Variants in EEF2K observed in about 807,000 individuals in gnomAD.
EEF2K encodes the protein alternative protein EEF2K.
Under a neutral mutation model 93.8 loss-of-function variants are expected in EEF2K, and 70 were observed. The observed-to-expected ratio is 0.75, with a 90% CI of 0.62 to 0.91. EEF2K has a LOEUF of 0.91. Among genes scored for constraint, EEF2K ranks in the 40% least tolerant of loss-of-function variants. EEF2K has a pLI of 0.00. For synonymous variants in EEF2K, 376 were observed against 380.8 expected, an observed-to-expected ratio of 0.99 and a Z score of 0.15; for missense variants, 935 against 972.9, an observed-to-expected ratio of 0.96 and a Z score of 0.52.
rs745438208 is a variant in EEF2K, at chr16:22,251,322, G to T, written c.618G>T (p.Gln206His). ...ATAATCGGCACAAGCCCCCCAAGCA[G>T]GTGCGTGGCCCCACTACCTGCCCCC... ...EEYNRHKPPKQVDIMQMCIIE... is the reference protein window; with the variant it reads ...EEYNRHKPPKHVDIMQMCIIE... Residue 206 changes from glutamine (Q) to histidine (H), a missense_variant and splice_region_variant, in exon 6 of 18, where the codon CAG becomes CAT. Physicochemically the swap from Gln to His is conservative, Grantham distance 24 (BLOSUM62 0). Coordinates refer to ENST00000263026, the MANE Select transcript of EEF2K (RefSeq NM_013302.5). 2 of 1,613,856 alleles carry T rather than the reference G, an allele frequency of 1.2e-6. No individual in the cohort carries two copies. The highest frequency in any genetic ancestry group is 1.7e-6 in the Non-Finnish European group (2 of 1,179,870).
rs10627624 is a variant in EEF2K at position 22,239,091 on chromosome 16, T to TAA, written c.247-5528_247-5527dup. On this transcript the variant is annotated intron_variant, in intron 2 of 17. Coordinates refer to ENST00000263026, the MANE Select transcript of EEF2K (RefSeq NM_013302.5). ...ACAGTACTTTTTATACTGTGCTTAT[T>TAA]AAAAAAAAAAAAGTCAGTTGCATTA... Among the ~76,000 whole-genome samples, 442 of 147,052 alleles carry TAA rather than the reference T, an allele frequency of 3.0e-3. 4 individuals carry two copies. Among genetic ancestry groups the TAA allele is most frequent in the African/African-American group, 8.7e-3 (350 of 40,120 alleles).
At chr16:22,233,069 G>A (rs1012658848) in intron 2 of EEF2K, among the ~76,000 whole-genome samples, 25 of 152,282 alleles carry the variant, frequency 1.6e-4, no homozygotes, top group Admixed American at 7.2e-4. Flanking sequence ...TCAGGGGGCC[G>A]CCCTCTCCAT....
At chr16:22,247,872 T>C (rs541107152) in intron 3 of EEF2K, among the ~76,000 whole-genome samples, 91 of 152,126 alleles carry the variant, frequency 6.0e-4, no homozygotes, top group African/African-American at 2.0e-3. Flanking sequence ...TACCCTCCAC[T>C]GTGTGCGGCT....
chr16:22,283,901 C>T lies in EEF2K; in HGVS notation c.2083C>T (p.Gln695Ter). The T allele has an allele frequency of 1.9e-6, 3 of 1,596,718 alleles. No homozygotes were observed. Among genetic ancestry groups the T allele is most frequent in the Non-Finnish European group, 2.6e-6 (3 of 1,171,782 alleles). Residue 695 changes from glutamine to a stop codon, truncating the protein, a stop_gained, in exon 18 of 18, where the codon CAG (glutamine) becomes TAG (stop). Coordinates refer to ENST00000263026, the MANE Select transcript of EEF2K (RefSeq NM_013302.5). LOFTEE classifies it high-confidence loss of function. ...DPQRSGDLYTQAAEAAMEAMK... is the reference protein window; with the variant it reads ...DPQRSGDLYT ...CTGTCTTTCAGGGGACTTGTATACC[C>T]AGGCAGCAGAGGCAGCGATGGAAGC...
At chr16:22,234,877 C>CTTTTTTTTTTTTTTTTTTT (rs1173052779) in intron 2 of EEF2K, among the ~76,000 whole-genome samples, 2 of 90,622 alleles carry the variant, frequency 2.2e-5, no homozygotes, top group East Asian at 4.2e-4. Flanking sequence ...TTTTTTGTTG[C>CTTTTTTTTTTTTTTTTTTT]TTTTTTTTTT....
chr16:22,255,674 G>A (rs2047391493), intron 6 of EEF2K, among the ~76,000 whole-genome samples: 1 of 152,128 alleles, frequency 6.6e-6, no homozygotes, highest in Non-Finnish European at 1.5e-5. Context: ...GAAGACAAGA[G>A]GATTGCTTGA....
At chr16:22,265,435 C>G (rs1427047348) in intron 13 of EEF2K, among the ~76,000 whole-genome samples, 1 of 152,204 alleles carries the variant, frequency 6.6e-6, no homozygotes, top group Non-Finnish European at 1.5e-5. Context: ...AGTCCTTTCT[C>G]TCCCTCTGTC....
At chr16:22,276,098 C>T (rs995793847) in intron 16 of EEF2K, among the ~76,000 whole-genome samples, 1 of 152,030 alleles carries the variant, frequency 6.6e-6, no homozygotes, top group African/African-American at 2.4e-5. Context: ...GCATGTGCCA[C>T]CCTACCTGGC....
intron 1 of EEF2K, among the ~76,000 whole-genome samples, chr16:22,222,987 A>G (rs1412240439): frequency 6.6e-6 from 1 of 152,068 alleles, no homozygotes; most frequent in Non-Finnish European, 1.5e-5. Context: ...CCCATTAGCA[A>G]TCATTCCCCA....
chr16:22,223,942 C>G (rs541095201), intron 1 of EEF2K, among the ~76,000 whole-genome samples: 77 of 152,152 alleles, frequency 5.1e-4, no homozygotes, highest in Non-Finnish European at 9.3e-4. Context: ...CGTGGTGGCT[C>G]ACATCTGTAA....
Position 22,239,247 on chromosome 16 carries a change from C to T in EEF2K, c.247-5383C>T, listed in dbSNP as rs568280728. Among the ~76,000 whole-genome samples, 5 of 152,304 alleles carry T rather than the reference C, an allele frequency of 3.3e-5. No homozygotes were observed. In the South Asian group the frequency reaches 6.2e-4, roughly 19 times the overall value. ...CCTCCCTGTTTTGTGGTTGGTGCCACGGCATCCAGCCAGGAGGTAATTTCT... is the reference window on the plus strand; with the variant it reads ...CCTCCCTGTTTTGTGGTTGGTGCCATGGCATCCAGCCAGGAGGTAATTTCT... On this transcript the variant is annotated intron_variant, in intron 2 of 17. Coordinates refer to ENST00000263026, the MANE Select transcript of EEF2K (RefSeq NM_013302.5).
chr16:22,234,182 G>A (rs1040682704), intron 2 of EEF2K, among the ~76,000 whole-genome samples: 6 of 152,184 alleles, frequency 3.9e-5, no homozygotes, highest in Non-Finnish European at 5.9e-5. Context: ...TTACACCATC[G>A]TGTGTGCCCC....
chr16:22,207,920 G>A (rs1213626673), intron 1 of EEF2K, among the ~76,000 whole-genome samples: 1 of 152,202 alleles, frequency 6.6e-6, no homozygotes, highest in African/African-American at 2.4e-5. Flanking sequence ...CTGGGGAAGA[G>A]GCAGGTGGAA....
At chr16:22,246,040 A>C (rs2047286960) in intron 3 of EEF2K, among the ~76,000 whole-genome samples, 1 of 152,144 alleles carries the variant, frequency 6.6e-6, no homozygotes, top group Non-Finnish European at 1.5e-5. Context: ...GCTCAGTCCT[A>C]CAAGACCGTC....
At chr16:22,275,425 C>T (rs1328837432) in intron 16 of EEF2K, among the ~76,000 whole-genome samples, 4 of 152,084 alleles carry the variant, frequency 2.6e-5, no homozygotes, top group African/African-American at 7.2e-5. Flanking sequence ...TCACTGCAAC[C>T]TCCACCTCCT....
At chr16:22,209,484 G>T (rs756903654) in intron 1 of EEF2K, among the ~76,000 whole-genome samples, 1 of 152,328 alleles carries the variant, frequency 6.6e-6, no homozygotes, top group East Asian at 1.9e-4. Context: ...GTTCAAGCTC[G>T]TTCTCCGGGA....
intron 8 of EEF2K, 50 bp from the exon 9 acceptor site, chr16:22,257,593 C>T: frequency 1.3e-6 from 2 of 1,598,900 alleles, no homozygotes; most frequent in South Asian, 1.1e-5. Flanking sequence ...ACTGCCTGTC[C>T]CCCGTCACAG....
chr16:22,246,350 CA>C (rs1233900892), intron 3 of EEF2K, among the ~76,000 whole-genome samples: 1 of 151,332 alleles, frequency 6.6e-6, no homozygotes, highest in Non-Finnish European at 1.5e-5. Flanking sequence ...GGTGAAACCC[CA>C]TCTCTTCTAA....
chr16:22,243,716 G>A (rs2047249635), intron 2 of EEF2K, among the ~76,000 whole-genome samples: 1 of 151,562 alleles, frequency 6.6e-6, no homozygotes, highest in Non-Finnish European at 1.5e-5. Context: ...GAGGTCAGGA[G>A]TTTGACACCA....
Sources: gnomAD v4.1 joint callset for allele counts (sites outside exome capture counted in the v4.1 genomes callset) on GRCh38, gnomAD v4.1.1 for gene constraint, MANE v1.5 for transcripts, NCBI Gene and HGNC (gene_info 2026-07-23, HGNC 2026-07-21) for gene names.